The following IFT56 variants were observed in gnomAD, a reference collection of about 807,000 sequenced individuals.
IFT56 encodes intraflagellar transport 56.
chr7:139,137,801 A>G, the IFT56 span: 33 of 1,500,580 alleles, frequency 2.2e-5, 2 homozygotes, highest in African/African-American at 3.3e-4. Flanking sequence ...CAGAGAGTTT[A>G]CTATTCAAAA....
the IFT56 span, chr7:139,148,263 T>C: frequency 2.5e-6 from 4 of 1,614,046 alleles, no homozygotes; most frequent in Non-Finnish European, 3.4e-6. Flanking sequence ...TGGATTACTA[T>C]GATGTGTCTC....
chr7:139,146,108 A>G, the IFT56 span, among the ~76,000 whole-genome samples: 8 of 152,304 alleles, frequency 5.3e-5, no homozygotes, highest in Non-Finnish European at 1.2e-4. Flanking sequence ...AAAATGTATC[A>G]TGAACATTTT....
the IFT56 span, among the ~76,000 whole-genome samples, chr7:139,180,226 G>C: frequency 1.3e-5 from 2 of 152,058 alleles, no homozygotes; most frequent in African/African-American, 4.8e-5. Context: ...AGTCCCAGCT[G>C]CTCGGGAGGC....
chr7:139,133,813 C>T, the IFT56 span: 1 of 1,613,960 alleles, frequency 6.2e-7, no homozygotes, highest in East Asian at 2.2e-5. Flanking sequence ...AACGCTGAGG[C>T]GCGGCCTTCG....
At chr7:139,182,006 G>A in the IFT56 span, among the ~76,000 whole-genome samples, 4 of 151,970 alleles carry the variant, frequency 2.6e-5, no homozygotes, top group African/African-American at 9.7e-5. Context: ...ATGGCAGACA[G>A]GAAAGACAAA....
the IFT56 span, among the ~76,000 whole-genome samples, chr7:139,156,430 T>C: frequency 6.6e-6 from 1 of 151,984 alleles, no homozygotes; most frequent in African/African-American, 2.4e-5. Flanking sequence ...TGGTCTTTCT[T>C]ATTTTCTTTT....
the IFT56 span, among the ~76,000 whole-genome samples, chr7:139,185,069 A>T: frequency 6.6e-6 from 1 of 150,548 alleles, no homozygotes; most frequent in Non-Finnish European, 1.5e-5. Context: ...AAAAAAAAAA[A>T]GTAGCTGGGC....
chr7:139,174,094 G>A, the IFT56 span: 1 of 600,310 alleles, frequency 1.7e-6, no homozygotes, highest in Non-Finnish European at 3.3e-6. Flanking sequence ...GCTCAGGCGA[G>A]CTACAGCTTT....
chr7:139,183,373 G>A, the IFT56 span, among the ~76,000 whole-genome samples: 4 of 152,128 alleles, frequency 2.6e-5, no homozygotes, highest in African/African-American at 9.7e-5. Context: ...GCAGGAAAAC[G>A]ATGGGTGTAG....
chr7:139,141,255 T>C, the IFT56 span, among the ~76,000 whole-genome samples: 3 of 117,090 alleles, frequency 2.6e-5, no homozygotes, highest in Non-Finnish European at 4.6e-5. Context: ...AACAAGACTC[T>C]GAAAAAAAAA....
the IFT56 span, among the ~76,000 whole-genome samples, chr7:139,179,063 T>C: frequency 6.6e-6 from 1 of 152,218 alleles, no homozygotes; most frequent in Non-Finnish European, 1.5e-5. Flanking sequence ...GATTTCTAAC[T>C]TAATTGTATT....
At chr7:139,139,658 T>TG in the IFT56 span, among the ~76,000 whole-genome samples, 19 of 152,296 alleles carry the variant, frequency 1.2e-4, no homozygotes, top group African/African-American at 4.3e-4. Flanking sequence ...CAGTATTAAC[T>TG]GGGGGACAAA....
chr7:139,134,609 T>C, the IFT56 span: 1 of 1,549,788 alleles, frequency 6.5e-7, no homozygotes, highest in East Asian at 2.3e-5. Context: ...AGTTTAAATC[T>C]GATAATCAGA....
At chr7:139,133,855 A>G in the IFT56 span, 1 of 1,614,218 alleles carries the variant, frequency 6.2e-7, no homozygotes, top group South Asian at 1.1e-5. Flanking sequence ...GACCGACGTC[A>G]AGATGGTTAG....
At chr7:139,186,680 T>C in the IFT56 span, among the ~76,000 whole-genome samples, 417 of 152,246 alleles carry the variant, frequency 2.7e-3, 2 homozygotes, top group African/African-American at 9.5e-3. Context: ...CAAATTAGCA[T>C]AAAATGAATG....
chr7:139,137,557 C>T, the IFT56 span, among the ~76,000 whole-genome samples: 1 of 152,184 alleles, frequency 6.6e-6, no homozygotes, highest in Non-Finnish European at 1.5e-5. Context: ...AAATATTTTA[C>T]ATAATTCTCT....
At chr7:139,178,356 C>A in the IFT56 span, 1 of 1,521,264 alleles carries the variant, frequency 6.6e-7, no homozygotes, top group Non-Finnish European at 9.1e-7. Context: ...TGGAATGTGT[C>A]AGAGAAGATA....
the IFT56 span, among the ~76,000 whole-genome samples, chr7:139,154,758 G>A: frequency 6.6e-6 from 1 of 152,040 alleles, no homozygotes; most frequent in East Asian, 1.9e-4. Flanking sequence ...TTGAAATCAG[G>A]AAGTATGCGG....
At chr7:139,172,862 G>A in the IFT56 span, 19 of 685,574 alleles carry the variant, frequency 2.8e-5, no homozygotes, top group Middle Eastern at 2.5e-4. Flanking sequence ...TCCTTGCTAG[G>A]AGTCAGAGGA....
Sources: allele counts gnomAD v4.1 joint callset (sites outside exome capture counted in the v4.1 genomes callset), GRCh38; gene constraint gnomAD v4.1.1; transcripts MANE v1.5; gene names NCBI Gene and HGNC (gene_info 2026-07-23, HGNC 2026-07-21).